Variants in KIAA1217 observed in about 807,000 individuals in gnomAD.
The protein encoded by KIAA1217 is KIAA1217, also known as sickle tail protein homolog.
A neutral mutation model predicts 163.9 loss-of-function variants in KIAA1217; 88 were observed. The observed-to-expected ratio is 0.54, with a 90% CI of 0.45 to 0.64. The LOEUF (loss-of-function observed/expected upper bound fraction) is 0.64. KIAA1217 is among the 30% of genes least tolerant of loss of function. KIAA1217 has a pLI of 0.00. For synonymous variants in KIAA1217, 903 were observed against 923.1 expected, an observed-to-expected ratio of 0.98 and a Z score of 0.39; for missense variants, 2,372 against 2,475.0, an observed-to-expected ratio of 0.96 and a Z score of 0.88.
At chr10:23,920,033 C>G (rs138799814) in intron 1 of KIAA1217, among the ~76,000 whole-genome samples, 74 of 152,298 alleles carry the variant, frequency 4.9e-4, no homozygotes, top group Middle Eastern at 6.8e-3. Flanking sequence ...GAATGGGTGA[C>G]TTAAAGAGGC....
intron 1 of KIAA1217, among the ~76,000 whole-genome samples, chr10:24,215,734 A>T (rs151143803): frequency 6.6e-6 from 1 of 152,218 alleles, no homozygotes; most frequent in Non-Finnish European, 1.5e-5. Flanking sequence ...TGTCGAGGAA[A>T]AGGCTCAAGT....
At chr10:24,524,041 T>C (rs1164076145) in intron 12 of KIAA1217, among the ~76,000 whole-genome samples, 1 of 152,134 alleles carries the variant, frequency 6.6e-6, no homozygotes, top group East Asian at 1.9e-4. Flanking sequence ...CTAAGCATAT[T>C]TGAGGGCTGC....
At chr10:23,770,240 C>T (rs1588762938) in intron 1 of KIAA1217, among the ~76,000 whole-genome samples, 1 of 152,112 alleles carries the variant, frequency 6.6e-6, no homozygotes, top group East Asian at 1.9e-4. Flanking sequence ...CCAAACTTTC[C>T]CCTACTTGGT....
At chr10:23,821,814 G>C (rs1588888846) in intron 1 of KIAA1217, among the ~76,000 whole-genome samples, 1 of 152,324 alleles carries the variant, frequency 6.6e-6, no homozygotes, top group Middle Eastern at 3.4e-3. Context: ...GAGTCTCATG[G>C]TGTTCTGCAG....
intron 2 of KIAA1217, among the ~76,000 whole-genome samples, chr10:24,099,880 G>C (rs1385719360): frequency 2.0e-5 from 3 of 151,834 alleles, no homozygotes; most frequent in African/African-American, 7.3e-5. Flanking sequence ...GGGTAGATAG[G>C]TTACTAGTTT....
At chr10:23,722,896 G>A (rs1588664112) in intron 1 of KIAA1217, among the ~76,000 whole-genome samples, 1 of 152,106 alleles carries the variant, frequency 6.6e-6, no homozygotes, top group Admixed American at 6.6e-5. Flanking sequence ...TTCAGGTCTC[G>A]AACCCTGGGT....
At chr10:24,484,472 C>T (rs2065136179) in intron 6 of KIAA1217, among the ~76,000 whole-genome samples, 1 of 151,760 alleles carries the variant, frequency 6.6e-6, no homozygotes, top group Middle Eastern at 3.4e-3. Flanking sequence ...GTTTTGAACT[C>T]CTGACTTCAA....
At chr10:24,190,663 C>T (rs765306831) in intron 2 of KIAA1217, among the ~76,000 whole-genome samples, 2 of 152,114 alleles carry the variant, frequency 1.3e-5, no homozygotes, top group Non-Finnish European at 2.9e-5. Flanking sequence ...TAGGACGAGC[C>T]ATGGAGGATA....
chr10:23,832,257 T>G (rs895732312), intron 1 of KIAA1217, among the ~76,000 whole-genome samples: 2 of 152,210 alleles, frequency 1.3e-5, no homozygotes, highest in African/African-American at 4.8e-5. Flanking sequence ...GAAACACAAT[T>G]ACTGGTCTAT....
chr10:24,066,523 G>A (rs1020313199), intron 2 of KIAA1217, among the ~76,000 whole-genome samples: 1 of 152,190 alleles, frequency 6.6e-6, no homozygotes, highest in African/African-American at 2.4e-5. Flanking sequence ...CTGTTAGTCT[G>A]ATGGGTTTCC....
chr10:23,783,287 A>G (rs1835342059), intron 1 of KIAA1217, among the ~76,000 whole-genome samples: 1 of 152,230 alleles, frequency 6.6e-6, no homozygotes, highest in African/African-American at 2.4e-5. Flanking sequence ...CATGTGGCCC[A>G]TGGGACACAG....
intron 2 of KIAA1217, among the ~76,000 whole-genome samples, chr10:24,199,137 A>G (rs1032717090): frequency 6.6e-5 from 10 of 152,202 alleles, no homozygotes; most frequent in African/African-American, 2.4e-4. Context: ...TGGGAGGACC[A>G]CTTGAGCCCA....
intron 2 of KIAA1217, among the ~76,000 whole-genome samples, chr10:24,108,064 A>C (rs181068331): frequency 3.2e-4 from 49 of 152,288 alleles, no homozygotes; most frequent in Non-Finnish European, 4.7e-4. Context: ...CAAAGCAAGG[A>C]AGAGGGAAGA....
intron 2 of KIAA1217, among the ~76,000 whole-genome samples, chr10:24,080,437 G>T (rs1297253957): frequency 3.3e-5 from 5 of 152,160 alleles, no homozygotes; most frequent in African/African-American, 1.2e-4. Flanking sequence ...AGCCATTAAT[G>T]GATCCTTCCG....
At chr10:23,821,688 C>G (rs1223582017) in intron 1 of KIAA1217, among the ~76,000 whole-genome samples, 2 of 152,176 alleles carry the variant, frequency 1.3e-5, no homozygotes, top group Middle Eastern at 3.2e-3. Flanking sequence ...AAAAACATTG[C>G]ATTGCTTTAC....
chr10:24,469,851 A>G (rs986476290), intron 5 of KIAA1217, among the ~76,000 whole-genome samples: 1 of 152,182 alleles, frequency 6.6e-6, no homozygotes, highest in Non-Finnish European at 1.5e-5. Context: ...ACCTCAAGTG[A>G]TCCGCCTGCC....
chr10:23,770,267 A>T (rs896383125), intron 1 of KIAA1217, among the ~76,000 whole-genome samples: 2 of 152,202 alleles, frequency 1.3e-5, no homozygotes, highest in Non-Finnish European at 2.9e-5. Flanking sequence ...CATGTCTTCT[A>T]CACCAGACAC....
intron 13 of KIAA1217, among the ~76,000 whole-genome samples, chr10:24,527,223 A>G (rs1396258815): frequency 1.3e-5 from 2 of 151,942 alleles, no homozygotes; most frequent in African/African-American, 4.8e-5. Flanking sequence ...TAGAAGTGGT[A>G]CTAAGACACA....
intron 1 of KIAA1217, among the ~76,000 whole-genome samples, chr10:23,978,367 T>G (rs1200774875): frequency 1.3e-5 from 2 of 152,240 alleles, no homozygotes; most frequent in Admixed American, 6.5e-5. Context: ...TTCTTTCTTC[T>G]GGTCAGAGAC....
Sources: gnomAD v4.1 joint callset for allele counts (sites outside exome capture counted in the v4.1 genomes callset) on GRCh38, gnomAD v4.1.1 for gene constraint, MANE v1.5 for transcripts, NCBI Gene and HGNC (gene_info 2026-07-23, HGNC 2026-07-21) for gene names.